KCNIP4: variants seen among roughly 807,000 people sequenced by gnomAD.
KCNIP4 encodes potassium voltage-gated channel interacting protein 4.
Under a neutral mutation model 34.0 loss-of-function variants are expected in KCNIP4, and 12 were observed. The ratio of observed to expected loss-of-function variants is 0.35; its 90% CI spans 0.23 to 0.57. KCNIP4 has a LOEUF of 0.57. Among genes scored for constraint, KCNIP4 ranks in the 20% least tolerant of loss-of-function variants. The pLI is 0.83. For synonymous variants in KCNIP4, 124 were observed against 102.2 expected, an observed-to-expected ratio of 1.21 and a Z score of -1.29; for missense variants, 238 against 311.7, an observed-to-expected ratio of 0.76 and a Z score of 1.78.
At chr4:21,917,817 G>A (rs192954883) in intron 1 of KCNIP4, among the ~76,000 whole-genome samples, 104 of 152,274 alleles carry the variant, frequency 6.8e-4, no homozygotes, top group East Asian at 5.8e-3. Context: ...ATTACAAGAC[G>A]AATGAGTACT....
At chr4:21,451,926 T>A (rs1728536635) in intron 1 of KCNIP4, among the ~76,000 whole-genome samples, 1 of 152,138 alleles carries the variant, frequency 6.6e-6, no homozygotes, top group Non-Finnish European at 1.5e-5. Flanking sequence ...TTCAAGATGA[T>A]TGGAGATTCT....
At chr4:20,924,942 A>G (rs1200717941) in intron 1 of KCNIP4, among the ~76,000 whole-genome samples, 1 of 152,198 alleles carries the variant, frequency 6.6e-6, no homozygotes, top group Non-Finnish European at 1.5e-5. Context: ...CCAGATTTGT[A>G]TGGACTCAGT....
chr4:21,444,712 G>C (rs1297768933), intron 1 of KCNIP4, among the ~76,000 whole-genome samples: 1 of 152,140 alleles, frequency 6.6e-6, no homozygotes, highest in Non-Finnish European at 1.5e-5. Flanking sequence ...TTGAAAACTG[G>C]CACAAGACAG....
chr4:21,326,993 G>T (rs1715145589), intron 1 of KCNIP4, among the ~76,000 whole-genome samples: 1 of 151,716 alleles, frequency 6.6e-6, no homozygotes, highest in African/African-American at 2.4e-5. Flanking sequence ...TCTTATTATT[G>T]TATTGTGTCT....
chr4:21,061,832 C>T (rs1055285687), intron 1 of KCNIP4, among the ~76,000 whole-genome samples: 1 of 152,010 alleles, frequency 6.6e-6, no homozygotes. Context: ...AAAATAGAGT[C>T]TTTAGGGTAA....
At chr4:21,314,933 C>T (rs528098546) in intron 1 of KCNIP4, among the ~76,000 whole-genome samples, 38 of 152,150 alleles carry the variant, frequency 2.5e-4, no homozygotes, top group African/African-American at 8.7e-4. Flanking sequence ...TTTATTTTTC[C>T]TGCTTCCTGT....
chr4:21,666,161 T>C (rs1748941223), intron 1 of KCNIP4, among the ~76,000 whole-genome samples: 1 of 152,202 alleles, frequency 6.6e-6, no homozygotes, highest in Admixed American at 6.5e-5. Context: ...AAAAATCAAG[T>C]TGAAATGTCT....
chr4:21,274,481 A>G lies in KCNIP4; in HGVS notation c.62-391772T>C, dbSNP rs188850406. On this transcript the variant is annotated intron_variant, in intron 1 of 8. Coordinates refer to ENST00000382152, the MANE Select transcript of KCNIP4 (RefSeq NM_025221.6). The stretch of plus-strand genomic sequence containing the variant: ...ACGGAGCTAAGAGGAAATTGAGAAC[A>G]CTTGTACTAATCACTCCCAACTTAA... Among the ~76,000 whole-genome samples, 295 of 152,330 alleles carry G rather than the reference A, an allele frequency of 1.9e-3. 1 individual carries two copies. The highest frequency in any genetic ancestry group is 3.0e-3 in the Non-Finnish European group (207 of 68,024).
intron 4 of KCNIP4, among the ~76,000 whole-genome samples, chr4:20,754,276 C>T (rs1433482594): frequency 6.6e-6 from 1 of 152,136 alleles, no homozygotes; most frequent in Non-Finnish European, 1.5e-5. Flanking sequence ...ATAGAGAAAG[C>T]TAACAGCCTG....
intron 1 of KCNIP4, among the ~76,000 whole-genome samples, chr4:21,215,165 G>A (rs1305554784): frequency 4.6e-5 from 7 of 152,160 alleles, no homozygotes; most frequent in African/African-American, 7.2e-5. Context: ...GGTCTTCAGG[G>A]AGACTTATTT....
intron 1 of KCNIP4, among the ~76,000 whole-genome samples, chr4:21,588,846 G>A (rs940459017): frequency 9.2e-5 from 14 of 151,380 alleles, no homozygotes; most frequent in African/African-American, 3.2e-4. Context: ...TTAGTAATAA[G>A]TCACTACGAC....
rs562539328 is a variant in KCNIP4, at chr4:21,234,150, CAT to C, written c.62-351443_62-351442del. ...CATATATAACGTATATTATATATAA[CAT>C]ATATAACGTATATTATATATAACAT... On this transcript the variant is annotated intron_variant, in intron 1 of 8. Transcript: ENST00000382152. 3.1e-3 allele frequency among the ~76,000 whole-genome samples: 317 copies of C among 101,668 alleles called. 53 individuals are homozygous for C. Among genetic ancestry groups the C allele is most frequent in the African/African-American group, 0.015 (300 of 20,020 alleles). The allele number at this position is 101,668 out of a possible 152,430, so 66.7% of individuals were successfully genotyped here. A position where few individuals can be genotyped will look rare whatever the true frequency, so the allele number is the denominator to read the frequency against.
At chr4:20,922,991 A>G (rs916634450) in intron 1 of KCNIP4, among the ~76,000 whole-genome samples, 1 of 152,030 alleles carries the variant, frequency 6.6e-6, no homozygotes, top group African/African-American at 2.4e-5. Flanking sequence ...GTGTGAGACA[A>G]CAGTGTAAAA....
intron 1 of KCNIP4, among the ~76,000 whole-genome samples, chr4:21,614,258 C>T (rs910451787): frequency 1.1e-4 from 17 of 151,774 alleles, no homozygotes; most frequent in Middle Eastern, 3.2e-3. Context: ...ATGCAGACAA[C>T]ACGCTCTTGA....
At chr4:21,851,683 G>A (rs1166139636) in intron 1 of KCNIP4, 1 of 152,176 alleles carries the variant, frequency 6.6e-6, no homozygotes, top group Non-Finnish European at 1.5e-5. Flanking sequence ...AAGGCTGCTA[G>A]TTTCTGGGAA....
intron 3 of KCNIP4, among the ~76,000 whole-genome samples, chr4:20,848,287 T>A (rs956809771): frequency 6.8e-6 from 1 of 147,230 alleles, no homozygotes; most frequent in African/African-American, 2.5e-5. Flanking sequence ...GAGAAAAAAA[T>A]AGAGGAAGAG....
At chr4:20,842,730 G>A (rs1056535809) in intron 3 of KCNIP4, among the ~76,000 whole-genome samples, 3 of 152,082 alleles carry the variant, frequency 2.0e-5, no homozygotes, top group African/African-American at 7.2e-5. Flanking sequence ...AGGAGTCTGG[G>A]TCATTGCAGA....
intron 1 of KCNIP4, among the ~76,000 whole-genome samples, chr4:21,357,923 T>C (rs1191595309): frequency 6.6e-6 from 1 of 152,182 alleles, no homozygotes; most frequent in Non-Finnish European, 1.5e-5. Flanking sequence ...CTAACCCAAA[T>C]GTCCATCAAT....
intron 1 of KCNIP4, among the ~76,000 whole-genome samples, chr4:21,252,713 G>A (rs1577967540): frequency 6.6e-6 from 1 of 150,550 alleles, no homozygotes. Context: ...GGAGGTTGAT[G>A]GTACTAAATT....
Sources: gnomAD v4.1 joint callset for allele counts (sites outside exome capture counted in the v4.1 genomes callset) on GRCh38, gnomAD v4.1.1 for gene constraint, MANE v1.5 for transcripts, NCBI Gene and HGNC (gene_info 2026-07-23, HGNC 2026-07-21) for gene names.